Variants in MKKS observed in about 807,000 individuals in gnomAD.
MKKS encodes molecular chaperone MKKS.
A neutral mutation model predicts 33.2 loss-of-function variants in MKKS; 29 were observed. The observed-to-expected ratio is 0.87, with a 90% CI of 0.65 to 1.19. MKKS has a LOEUF of 1.19. Ranked by LOEUF, MKKS falls within the 50% of genes most tolerant of loss-of-function variation. The pLI is 0.00. For synonymous variants in MKKS, 260 were observed against 244.0 expected, an observed-to-expected ratio of 1.07 and a Z score of -0.61; for missense variants, 661 against 662.3, an observed-to-expected ratio of 1.00 and a Z score of 0.02.
rs768539582 is a variant in MKKS at position 10,413,085 on chromosome 20, A to G, written c.430T>C (p.Phe144Leu). 1.2e-6 allele frequency: 2 copies of G among 1,614,026 alleles called. No individual in the cohort carries two copies. The highest frequency in any genetic ancestry group is 3.3e-5 in the Admixed American group (2 of 60,020). Residue 144 changes from phenylalanine (F) to leucine (L), a missense_variant, in exon 3 of 6, where the codon TTT (phenylalanine) becomes CTT (leucine). Transcript: ENST00000347364. ...CAAAGGAGGATCTGAGTACTACTAA[A>G]GTCCACTGGGATTCGACAACCACAG... ...ETCGCRIPVD[F>L]SSTQILLCLV...
intron 1 of MKKS, among the ~76,000 whole-genome samples, chr20:10,433,683 G>A (rs1464761594): frequency 6.6e-6 from 1 of 152,134 alleles, no homozygotes; most frequent in Non-Finnish European, 1.5e-5. Flanking sequence ...CTCTAACGCC[G>A]TCGGAGGGCG....
chr20:10,409,516 A>G (rs1210779981), intron 3 of MKKS, among the ~76,000 whole-genome samples: 1 of 152,162 alleles, frequency 6.6e-6, no homozygotes, highest in African/African-American at 2.4e-5. Flanking sequence ...AACGTAATGG[A>G]AGTTATGTAA....
At position 10,402,885 on chromosome 20, in the gene MKKS, A is replaced by C. The variant is rs376295362; in HGVS notation, c.*2362T>G. ...AAGCTTTTCCTCCTGCCTTTATTAG[A>C]TAGCTATTGCTGTATAAGAAAGTAC... On this transcript the variant is annotated 3_prime_UTR_variant, in exon 6 of 6. Transcript: ENST00000347364. 3.9e-5 allele frequency: 6 copies of C among 152,246 alleles called. No homozygotes were observed. The East Asian group carries it at 9.6e-4, about 24-fold the overall frequency. The allele number at this position is 152,246 out of a possible 1,614,324, so 9.4% of individuals were successfully genotyped here. A position where few individuals can be genotyped will look rare whatever the true frequency, so the allele number is the denominator to read the frequency against.
Position 10,413,335 on chromosome 20 carries a change from G to C in MKKS, c.180C>G (p.Ser60=). 1 of 1,614,166 alleles carries C rather than the reference G, an allele frequency of 6.2e-7. No individual in the cohort carries two copies. ...FGGYVCTTSQ[S]SALLSHLLVT... ...CCAAAAGGTGACTGAGCAGAGCTGA[G>C]GACTGTGAGGTTGTACACACGTAAC... The change falls in exon 3 of 6, where the codon TCC becomes TCG. Residue 60 remains serine, a synonymous_variant. Transcript: ENST00000347364.
chr20:10,411,989 T>C (rs1308588078), intron 3 of MKKS, among the ~76,000 whole-genome samples: 1 of 152,168 alleles, frequency 6.6e-6, no homozygotes, highest in Non-Finnish European at 1.5e-5. Flanking sequence ...CTGTAATAGG[T>C]GCTGAAAGTA....
chr20:10,426,903 T>G (rs2065017716), intron 1 of MKKS, among the ~76,000 whole-genome samples: 1 of 152,158 alleles, frequency 6.6e-6, no homozygotes, highest in Non-Finnish European at 1.5e-5. Flanking sequence ...TTCTTTAATT[T>G]AGTTCTCAGT....
At chr20:10,408,931 G>C in intron 3 of MKKS, 128 bp from the exon 4 acceptor site, 1 of 673,270 alleles carries the variant, frequency 1.5e-6, no homozygotes, top group Non-Finnish European at 2.5e-6. Context: ...ATGAAATACA[G>C]GATAAATAAG....
chr20:10,429,583 CT>C (rs1049317206), intron 1 of MKKS, among the ~76,000 whole-genome samples: 74 of 152,282 alleles, frequency 4.9e-4, no homozygotes, highest in African/African-American at 1.6e-3. Context: ...CCTGGATTTC[CT>C]GTTTCGTTAA....
intron 1 of MKKS, among the ~76,000 whole-genome samples, chr20:10,432,957 G>T (rs368287015): frequency 1.2e-4 from 19 of 152,268 alleles, no homozygotes; most frequent in Middle Eastern, 3.4e-3. Context: ...AAGAAAAAAG[G>T]TCTGCACGTG....
In MKKS at chr20:10,426,510, G is replaced by A. The variant is rs1236528238; in HGVS notation, c.-648-5752C>T. 5.3e-5 allele frequency among the ~76,000 whole-genome samples: 8 copies of A among 152,066 alleles called. No homozygotes were observed. The East Asian group carries it at 7.7e-4, about 15-fold the overall frequency. On this transcript the variant is annotated intron_variant, in intron 1 of 5. Coordinates refer to ENST00000347364, the MANE Select transcript of MKKS (RefSeq NM_170784.3). ...CGCATGCCAGATTTAAGGGATTCTCGTACCTCAGCCTCCCAGGTAGCTGAG... is the reference window on the plus strand; with the variant it reads ...CGCATGCCAGATTTAAGGGATTCTCATACCTCAGCCTCCCAGGTAGCTGAG...
At chr20:10,422,078 A>G (rs2064984414) in intron 1 of MKKS, among the ~76,000 whole-genome samples, 1 of 152,164 alleles carries the variant, frequency 6.6e-6, no homozygotes, top group Non-Finnish European at 1.5e-5. Flanking sequence ...AATAGTACTG[A>G]GTTAAATAGT....
At chr20:10,433,001 G>A (rs990918178) in intron 1 of MKKS, among the ~76,000 whole-genome samples, 1 of 152,060 alleles carries the variant, frequency 6.6e-6, no homozygotes, top group African/African-American at 2.4e-5. Flanking sequence ...TTTTCCCCCA[G>A]AATGTTTTTA....
chr20:10,409,254 A>T (rs1249380142), intron 3 of MKKS, among the ~76,000 whole-genome samples: 1 of 152,182 alleles, frequency 6.6e-6, no homozygotes, highest in Non-Finnish European at 1.5e-5. Context: ...CTATCCAAAT[A>T]GTTGTGTAGT....
Position 10,408,687 on chromosome 20 carries a change from C to T in MKKS, c.1102G>A (p.Ala368Thr). The change falls in exon 4 of 6, where the codon GCA (alanine) becomes ACA (threonine). Residue 368 changes from alanine (A) to threonine (T), a missense_variant. Coordinates refer to ENST00000347364, the MANE Select transcript of MKKS (RefSeq NM_170784.3). ...KHFFHLIPNE[A>T]TICSLLLCNR... ...CAGAGAAGCAAGCTGCAGATTGTTG[C>T]TTCATTAGGAATAAGATGAAAAAAA... 1 of 1,614,054 alleles carries T rather than the reference C, an allele frequency of 6.2e-7. No individual in the cohort carries two copies. Among genetic ancestry groups the T allele is most frequent in the Non-Finnish European group, 8.5e-7 (1 of 1,179,996 alleles).
intron 1 of MKKS, chr20:10,431,569 A>C (rs1420229569): frequency 6.6e-6 from 1 of 151,506 alleles, no homozygotes; most frequent in Admixed American, 6.6e-5. Context: ...AACCAAACCA[A>C]ACCCGCACAA....
intron 1 of MKKS, among the ~76,000 whole-genome samples, chr20:10,424,856 A>G (rs2065004644): frequency 6.6e-6 from 1 of 152,134 alleles, no homozygotes; most frequent in African/African-American, 2.4e-5. Context: ...GTTTGAGACC[A>G]GTCTGGCCAA....
chr20:10,402,174 G>T lies in MKKS; in HGVS notation c.*3073C>A, dbSNP rs6133904. The T allele has an allele frequency of 0.14, 21,776 of 152,064 alleles. 1,737 individuals carry two copies. The highest frequency in any genetic ancestry group is 0.26 in the South Asian group (1,242 of 4,814). The allele number at this position is 152,064 out of a possible 1,614,324, so 9.4% of individuals were successfully genotyped here. A position where few individuals can be genotyped will look rare whatever the true frequency, so the allele number is the denominator to read the frequency against. On this transcript the variant is annotated 3_prime_UTR_variant, in exon 6 of 6. Transcript: ENST00000347364. ...CACTCTCCCTTTCCTTTTCCACAGC[G>T]ATCACGGTTTCCCATTCTCTCTCCT... is the stretch of plus-strand genomic sequence containing the variant.
chr20:10,425,296 T>C (rs1295633110), intron 1 of MKKS, among the ~76,000 whole-genome samples: 1 of 152,210 alleles, frequency 6.6e-6, no homozygotes, highest in Non-Finnish European at 1.5e-5. Flanking sequence ...AATGGCGATA[T>C]CCTAATTTGA....
chr20:10,402,756 C>G lies in MKKS; in HGVS notation c.*2491G>C, dbSNP rs949395833. 2 of 152,140 alleles carry G rather than the reference C, an allele frequency of 1.3e-5. No homozygotes were observed. Among genetic ancestry groups the G allele is most frequent in the Non-Finnish European group, 2.9e-5 (2 of 68,020 alleles). 9.4% of individuals were successfully genotyped at this position (152,140 alleles called of 1,614,324 possible). Reference sequence around the variant, plus strand: ...ATTGTAAACACATGTGATAAAGAACCCTTCTTTTAGGTTGGGGTGATGATA... The same window carrying G: ...ATTGTAAACACATGTGATAAAGAACGCTTCTTTTAGGTTGGGGTGATGATA... On this transcript the variant is annotated 3_prime_UTR_variant, in exon 6 of 6. Coordinates refer to ENST00000347364, the MANE Select transcript of MKKS (RefSeq NM_170784.3).
Sources: gnomAD v4.1 joint callset for allele counts (sites outside exome capture counted in the v4.1 genomes callset) on GRCh38, gnomAD v4.1.1 for gene constraint, MANE v1.5 for transcripts, NCBI Gene and HGNC (gene_info 2026-07-23, HGNC 2026-07-21) for gene names.